The following TARBP1 variants were observed in gnomAD, a reference collection of about 807,000 sequenced individuals.
The protein encoded by TARBP1 is tRNA (guanosine(18)-2'-O)-methyltransferase TARBP1.
In TARBP1, 144 loss-of-function variants were observed where a neutral mutation model predicts 178.6. The ratio of observed to expected loss-of-function variants is 0.81; its 90% CI spans 0.70 to 0.93. The LOEUF is 0.93. Among genes scored for constraint, TARBP1 ranks in the 40% least tolerant of loss-of-function variants. TARBP1 has a pLI of 0.00. For synonymous variants in TARBP1, 787 were observed against 781.0 expected (o/e 1.01, Z -0.13); for missense variants, 2,067 against 2,011.7 (o/e 1.03, Z -0.53).
intron 23 of TARBP1, among the ~76,000 whole-genome samples, chr1:234,409,613 T>C (rs1310629677): frequency 1.3e-5 from 2 of 152,214 alleles, no homozygotes; most frequent in Non-Finnish European, 2.9e-5. Flanking sequence ...ATCATGATTT[T>C]AGAGGAAAAT....
At position 234,393,462 on chromosome 1, in the gene TARBP1, A is replaced by G. The variant is rs1659608753; in HGVS notation, c.4460T>C (p.Phe1487Ser). 6.2e-7 allele frequency: 1 copy of G among 1,607,228 alleles called. No individual in the cohort carries two copies. The highest frequency in any genetic ancestry group is 8.5e-7 in the Non-Finnish European group (1 of 1,176,752). Reference protein sequence around the residue: ...LGGLCRTCEVFGASVLVVGSL... With the variant: ...LGGLCRTCEVSGASVLVVGSL... ...GCCAACAACGAGCACTGAAGCCCCA[A>G]ATACCTCACAGGTCCTGCACAGTCC... The change falls in exon 28 of 30, where the codon TTT (phenylalanine) becomes TCT (serine). Residue 1487 changes from phenylalanine (F) to serine (S), a missense_variant. Physicochemically the swap from Phe to Ser is radical, Grantham distance 155. Transcript: ENST00000040877.
At chr1:234,458,807 C>T (rs1354963666) in intron 8 of TARBP1, among the ~76,000 whole-genome samples, 3 of 152,186 alleles carry the variant, frequency 2.0e-5, no homozygotes, top group African/African-American at 7.2e-5. Context: ...GCTCCCCCAG[C>T]AACAAGCTGT....
At chr1:234,461,361 G>A (rs1011215467) in intron 6 of TARBP1, among the ~76,000 whole-genome samples, 4 of 152,220 alleles carry the variant, frequency 2.6e-5, no homozygotes, top group African/African-American at 9.6e-5. Flanking sequence ...CTGAAGTGCA[G>A]TGGCTTGATC....
chr1:234,444,913 ACATAAACATGGT>A (rs1239865786), intron 12 of TARBP1, among the ~76,000 whole-genome samples: 1 of 152,050 alleles, frequency 6.6e-6, no homozygotes, highest in African/African-American at 2.4e-5. Flanking sequence ...TTCCATCAGC[ACATAAACATGGT>A]TATATTCACC....
At position 234,471,189 on chromosome 1, in the gene TARBP1, A is replaced by T. The variant is rs779758476; in HGVS notation, c.1098T>A (p.Asn366Lys). The change falls in exon 3 of 30, where the codon AAT becomes AAA. Residue 366 changes from asparagine (N) to lysine (K), a missense_variant and splice_region_variant. Asn to Lys is a moderately conservative substitution (Grantham distance 94). Transcript: ENST00000040877. ...NLFEYAVSEENGCWLFHPSWH... is the reference protein window; with the variant it reads ...NLFEYAVSEEKGCWLFHPSWH... ...AAATAAAATAAAAGTAATCGTTACC[A>T]TTTTCCTCTGACACCGCATATTCAA... 2 of 1,591,484 alleles carry T rather than the reference A, an allele frequency of 1.3e-6. No homozygotes were observed. The highest frequency in any genetic ancestry group is 1.4e-5 in the African/African-American group (1 of 73,672).
chr1:234,415,117 G>A (rs10495349), intron 22 of TARBP1, among the ~76,000 whole-genome samples: 26,836 of 152,160 alleles, frequency 0.18, 2,528 homozygotes, highest in East Asian at 0.31. Flanking sequence ...AACATCCAGT[G>A]TAAATATCCA....
intron 21 of TARBP1, 45 bp downstream of exon 21, chr1:234,420,657 G>T: frequency 7.8e-7 from 1 of 1,276,944 alleles, no homozygotes; most frequent in Non-Finnish European, 1.1e-6. Flanking sequence ...GTTCAGTCAT[G>T]AAATCATATG....
At chr1:234,438,154 T>G (rs1665225602) in intron 12 of TARBP1, among the ~76,000 whole-genome samples, 1 of 152,244 alleles carries the variant, frequency 6.6e-6, no homozygotes. Flanking sequence ...AGGTTGACTG[T>G]GTACTGGACA....
intron 13 of TARBP1, among the ~76,000 whole-genome samples, chr1:234,436,366 G>A (rs1254517955): frequency 6.6e-6 from 1 of 152,088 alleles, no homozygotes; most frequent in Admixed American, 6.5e-5. Context: ...CACTGATTCT[G>A]TACCCACAAA....
rs763799809 is a variant in TARBP1, at chr1:234,398,418, T to C, written c.4207A>G (p.Lys1403Glu). The change falls in exon 26 of 30, where the codon AAA becomes GAA. Residue 1403 changes from lysine to glutamate, a missense_variant. Lys to Glu is a moderately conservative substitution (Grantham distance 56). Coordinates refer to ENST00000040877, the MANE Select transcript of TARBP1 (RefSeq NM_005646.4). The stretch of plus-strand genomic sequence containing the variant: ...TGAGACCAGTCACCTGGTTTTAGTT[T>C]ACTAAGTTGAGTTTGAGAAAGGTAC... Reference protein sequence around the residue: ...QWYLSQTQLSKLKPGDWSQQD... With the variant: ...QWYLSQTQLSELKPGDWSQQD... The C allele has an allele frequency of 2.5e-6, 4 of 1,610,536 alleles. 1 individual carries two copies. In the South Asian group the frequency reaches 4.4e-5, roughly 18 times the overall value.
intron 15 of TARBP1, 123 bp downstream of exon 15, chr1:234,429,964 C>G: frequency 9.9e-7 from 1 of 1,008,002 alleles, no homozygotes. Flanking sequence ...TGTTATACCA[C>G]ACTTTCATCC....
intron 22 of TARBP1, among the ~76,000 whole-genome samples, chr1:234,412,574 CAGG>C (rs965597986): frequency 3.9e-5 from 6 of 152,092 alleles, no homozygotes; most frequent in African/African-American, 1.2e-4. Flanking sequence ...AGGGCTGAGG[CAGG>C]AGGATCATTT....
chr1:234,393,566 C>T (rs1457550155), intron 27 of TARBP1, 80 bp from the exon 28 acceptor site: 25 of 1,572,396 alleles, frequency 1.6e-5, no homozygotes, highest in East Asian at 2.3e-5. Flanking sequence ...TCCTTTGAAG[C>T]TCCCGTGGCA....
intron 9 of TARBP1, among the ~76,000 whole-genome samples, chr1:234,453,972 A>G (rs1667046595): frequency 6.6e-6 from 1 of 152,230 alleles, no homozygotes; most frequent in Non-Finnish European, 1.5e-5. Flanking sequence ...GAAAACAGAC[A>G]CTGATGCATT....
chr1:234,398,161 CTTTTT>C, intron 26 of TARBP1: 1 of 259,376 alleles, frequency 3.9e-6, no homozygotes, highest in Non-Finnish European at 7.0e-6. Flanking sequence ...CTTCCTTTGG[CTTTTT>C]TTTTTTTTTT....
At chr1:234,419,778 C>A (rs1278425575) in intron 21 of TARBP1, among the ~76,000 whole-genome samples, 3 of 151,776 alleles carry the variant, frequency 2.0e-5, no homozygotes, top group Non-Finnish European at 4.4e-5. Context: ...ACCTCCCCCA[C>A]CCCCCACATC....
chr1:234,467,204 T>C (rs986554942), intron 4 of TARBP1, among the ~76,000 whole-genome samples: 11 of 152,234 alleles, frequency 7.2e-5, no homozygotes, highest in Admixed American at 2.6e-4. Flanking sequence ...TGATAGCTTC[T>C]ATACCAGTTT....
intron 12 of TARBP1, among the ~76,000 whole-genome samples, chr1:234,444,114 A>G (rs1013573001): frequency 1.3e-5 from 2 of 152,210 alleles, no homozygotes; most frequent in Admixed American, 1.3e-4. Flanking sequence ...TGTAAATTTT[A>G]CTTTATGTAT....
At chr1:234,462,930 C>G (rs4920251) in intron 6 of TARBP1, among the ~76,000 whole-genome samples, 35,702 of 152,030 alleles carry the variant, frequency 0.23, 4,929 homozygotes, top group East Asian at 0.4. Context: ...CCTAGGCTCA[C>G]TTTACAAATC....
Sources: gnomAD v4.1 joint callset for allele counts (sites outside exome capture counted in the v4.1 genomes callset) on GRCh38, gnomAD v4.1.1 for gene constraint, MANE v1.5 for transcripts, NCBI Gene and HGNC (gene_info 2026-07-23, HGNC 2026-07-21) for gene names.